TMEM45A: variants seen among roughly 807,000 people sequenced by gnomAD.
TMEM45A encodes the protein transmembrane protein 45A.
TMEM45A carries 25 observed loss-of-function variants against 32.0 expected under a neutral mutation model. That is an observed-to-expected ratio of 0.78 (90% CI 0.57 to 1.09). The LOEUF (loss-of-function observed/expected upper bound fraction) is 1.09. Among genes scored for constraint, TMEM45A ranks in the 50% least tolerant of loss-of-function variants. TMEM45A has a pLI of 0.00. For missense variants in TMEM45A, 302 were observed against 325.0 expected, an observed-to-expected ratio of 0.93 and a Z score of 0.54; for synonymous variants, 122 against 114.8, an observed-to-expected ratio of 1.06 and a Z score of -0.40.
At chr3:100,539,477 A>ACG (rs1705814743) in intron 1 of TMEM45A, among the ~76,000 whole-genome samples, 4 of 143,626 alleles carry the variant, frequency 2.8e-5, no homozygotes, top group African/African-American at 5.2e-5. Context: ...GTATATGTAT[A>ACG]TGTATATGTA....
intron 1 of TMEM45A, among the ~76,000 whole-genome samples, chr3:100,506,913 C>T (rs1235023386): frequency 1.3e-5 from 2 of 152,148 alleles, no homozygotes; most frequent in African/African-American, 4.8e-5. Context: ...ACCAGAAGCC[C>T]TTTGGAACCC....
chr3:100,574,206 C>G (rs1706633803), intron 5 of TMEM45A: 1 of 152,002 alleles, frequency 6.6e-6, no homozygotes, highest in Non-Finnish European at 1.5e-5. Context: ...TTAATGAATC[C>G]AGGAGCTGGT....
Position 100,556,836 on chromosome 3 carries a change from A to G in TMEM45A, c.267A>G (p.Gln89=), listed in dbSNP as rs776200311. The G allele has an allele frequency of 1.2e-6, 2 of 1,613,784 alleles. No individual in the cohort carries two copies. The highest frequency in any genetic ancestry group is 2.2e-5 in the East Asian group (1 of 44,876). ...ACTATAAACAAGGTCACTGGAATCA[A>G]CTCCTGGGCTGGCATCATTTCACCA... ...LYDYKQGHWN[Q]LLGWHHFTMY... Residue 89 remains glutamine (Q), a synonymous_variant, in exon 3 of 6, where the codon CAA becomes CAG. Coordinates refer to ENST00000323523, the MANE Select transcript of TMEM45A (RefSeq NM_018004.3).
At chr3:100,512,802 G>A (rs879785059) in intron 1 of TMEM45A, among the ~76,000 whole-genome samples, 19,745 of 148,592 alleles carry the variant, frequency 0.13, 1,509 homozygotes, top group Non-Finnish European at 0.19. Context: ...TATCACCACT[G>A]ATCCCACAGA....
chr3:100,576,815 C>A, intron 5 of TMEM45A, 110 bp from the exon 6 acceptor site: 2 of 865,022 alleles, frequency 2.3e-6, no homozygotes, highest in Non-Finnish European at 3.7e-6. Flanking sequence ...TTTTGGGTTG[C>A]CTTCCCCAGT....
intron 5 of TMEM45A, among the ~76,000 whole-genome samples, chr3:100,575,363 C>CTTTTTTT (rs59739893): frequency 6.4e-5 from 4 of 62,702 alleles, no homozygotes; most frequent in Non-Finnish European, 9.3e-5. Flanking sequence ...TATGGATTCT[C>CTTTTTTT]TTTTTTTTTT....
intron 1 of TMEM45A, among the ~76,000 whole-genome samples, chr3:100,501,267 C>G (rs1470659906): frequency 1.3e-5 from 2 of 152,220 alleles, no homozygotes; most frequent in African/African-American, 4.8e-5. Flanking sequence ...AACCAATGTA[C>G]AGCTGAATTG....
intron 5 of TMEM45A, among the ~76,000 whole-genome samples, chr3:100,575,363 C>CTTTTTTTTTTTTTTTTT (rs59739893): frequency 1.6e-5 from 1 of 62,706 alleles, no homozygotes; most frequent in African/African-American, 5.4e-5. Context: ...TATGGATTCT[C>CTTTTTTTTTTTTTTTTT]TTTTTTTTTT....
rs143630405 is a variant in TMEM45A, at chr3:100,532,658, T to C, written c.-3-22551T>C. Among the ~76,000 whole-genome samples the C allele has an allele frequency of 3.2e-3, 480 of 152,338 alleles. 4 individuals carry two copies. Among genetic ancestry groups the C allele is most frequent in the Non-Finnish European group, 5.1e-3 (350 of 68,038 alleles). On this transcript the variant is annotated intron_variant, in intron 1 of 5. Coordinates refer to ENST00000323523, the MANE Select transcript of TMEM45A (RefSeq NM_018004.3). ...TTCATTGTTCTTGTTATGGTTGTTA[T>C]AGTTGTTACGGTGAGTTTTTGAGGC... is the stretch of plus-strand genomic sequence containing the variant.
rs773447263 is a variant in TMEM45A, at chr3:100,577,033, C to T, written c.*15C>T. The T allele has an allele frequency of 3.8e-5, 61 of 1,599,426 alleles. No homozygotes were observed. The highest frequency in any genetic ancestry group is 5.0e-5 in the Non-Finnish European group (59 of 1,171,454). ...AAGAAATGTGACTTTGATGAGCTTCCAGTTTTTCTAGATAAACCTTTTCTT... is the reference window on the plus strand; with the variant it reads ...AAGAAATGTGACTTTGATGAGCTTCTAGTTTTTCTAGATAAACCTTTTCTT... On this transcript the variant is annotated 3_prime_UTR_variant, in exon 6 of 6. Transcript: ENST00000323523.
chr3:100,500,447 A>G (rs1707993506), intron 1 of TMEM45A, among the ~76,000 whole-genome samples: 1 of 151,884 alleles, frequency 6.6e-6, no homozygotes, highest in South Asian at 2.1e-4. Flanking sequence ...AACACGTAAC[A>G]GTGGTATTGG....
chr3:100,558,475 G>T lies in TMEM45A; in HGVS notation c.474G>T (p.Leu158Phe), dbSNP rs1294159263. 6.2e-7 allele frequency: 1 copy of T among 1,614,076 alleles called. No homozygotes were observed. The highest frequency in any genetic ancestry group is 1.1e-5 in the South Asian group (1 of 91,064). ...LDIFVHQLLVLVVFLTGLVAF... is the reference protein window; with the variant it reads ...LDIFVHQLLVFVVFLTGLVAF... ...TCTTTGTGCACCAGCTGCTGGTTTT[G>T]GTCGTCTTTCTGACAGGCCTCGTTG... The change falls in exon 4 of 6, where the codon TTG (leucine) becomes TTT (phenylalanine). Residue 158 changes from leucine to phenylalanine, a missense_variant. Transcript: ENST00000323523.
At chr3:100,557,788 C>G (rs1167852800) in intron 3 of TMEM45A, among the ~76,000 whole-genome samples, 4 of 152,130 alleles carry the variant, frequency 2.6e-5, no homozygotes, top group Non-Finnish European at 5.9e-5. Context: ...TCAATCTTTT[C>G]TCTTTGTCTT....
At chr3:100,493,862 G>T (rs1227242350) in intron 1 of TMEM45A, among the ~76,000 whole-genome samples, 1 of 152,052 alleles carries the variant, frequency 6.6e-6, no homozygotes, top group African/African-American at 2.4e-5. Context: ...CTCCCAAGTA[G>T]CTGGGATTAC....
chr3:100,517,995 G>C (rs1273233900), intron 1 of TMEM45A, among the ~76,000 whole-genome samples: 2 of 152,212 alleles, frequency 1.3e-5, no homozygotes, highest in African/African-American at 4.8e-5. Context: ...TAGAGGAACT[G>C]TTTGATTCAT....
intron 4 of TMEM45A, among the ~76,000 whole-genome samples, chr3:100,566,719 T>C (rs1176785291): frequency 1.3e-5 from 2 of 152,184 alleles, no homozygotes; most frequent in African/African-American, 4.8e-5. Flanking sequence ...TATCTCATTG[T>C]GGTTTTGATT....
At chr3:100,557,556 GTTT>G (rs5851211) in intron 3 of TMEM45A, among the ~76,000 whole-genome samples, 55,112 of 150,082 alleles carry the variant, frequency 0.37, 10,825 homozygotes, top group Middle Eastern at 0.47. Flanking sequence ...GCATTTAATG[GTTT>G]TTTTTTTTTC....
At chr3:100,547,102 G>A (rs1705992967) in intron 1 of TMEM45A, among the ~76,000 whole-genome samples, 1 of 152,040 alleles carries the variant, frequency 6.6e-6, no homozygotes, top group Non-Finnish European at 1.5e-5. Flanking sequence ...GTTATGAAAT[G>A]TAGCTTCATT....
chr3:100,563,967 G>A (rs1706379840), intron 4 of TMEM45A, among the ~76,000 whole-genome samples: 1 of 152,150 alleles, frequency 6.6e-6, no homozygotes, highest in African/African-American at 2.4e-5. Flanking sequence ...CTTGCCTTTA[G>A]AATATATCCA....
Sources: gnomAD v4.1 joint callset for allele counts (sites outside exome capture counted in the v4.1 genomes callset) on GRCh38, gnomAD v4.1.1 for gene constraint, MANE v1.5 for transcripts, NCBI Gene and HGNC (gene_info 2026-07-23, HGNC 2026-07-21) for gene names.